BLTP1: variants seen among roughly 807,000 people sequenced by gnomAD.
BLTP1 encodes fragile site-associated protein.
At chr4:122,328,537 A>G in the BLTP1 span, 3 of 514,454 alleles carry the variant, frequency 5.8e-6, no homozygotes, top group East Asian at 4.5e-4. Flanking sequence ...GTTTATTGTG[A>G]TGTAGCTCCA....
the BLTP1 span, among the ~76,000 whole-genome samples, chr4:122,192,678 C>T: frequency 4.6e-5 from 7 of 151,788 alleles, no homozygotes; most frequent in Non-Finnish European, 7.4e-5. Context: ...TAATCAACAA[C>T]GATTTCTTCA....
At chr4:122,253,974 A>G in the BLTP1 span, among the ~76,000 whole-genome samples, 1 of 152,204 alleles carries the variant, frequency 6.6e-6, no homozygotes, top group Non-Finnish European at 1.5e-5. Context: ...GAATCTTTAC[A>G]GGCCAGGAGA....
chr4:122,356,623 G>A, the BLTP1 span: 3 of 1,611,006 alleles, frequency 1.9e-6, no homozygotes, highest in Non-Finnish European at 2.5e-6. Context: ...TATTGCAGAT[G>A]CCAGCCTGAA....
At chr4:122,193,068 C>T in the BLTP1 span, among the ~76,000 whole-genome samples, 1 of 152,054 alleles carries the variant, frequency 6.6e-6, no homozygotes, top group African/African-American at 2.4e-5. Context: ...TGTGGTCTTT[C>T]CCTTGTGTAC....
chr4:122,305,813 G>A, the BLTP1 span: 8 of 1,428,112 alleles, frequency 5.6e-6, no homozygotes, highest in Non-Finnish European at 7.4e-6. Flanking sequence ...CATTAATAAT[G>A]TTTAGTTTCA....
At chr4:122,262,992 T>G in the BLTP1 span, 1 of 1,610,026 alleles carries the variant, frequency 6.2e-7, no homozygotes, top group Non-Finnish European at 8.5e-7. Flanking sequence ...AGGTACGTCC[T>G]CTAGATTTGA....
At chr4:122,227,367 C>T in the BLTP1 span, 2 of 985,256 alleles carry the variant, frequency 2.0e-6, no homozygotes, top group Non-Finnish European at 2.4e-6. Flanking sequence ...GATGGTAATC[C>T]CTAAAACCAT....
At chr4:122,330,846 AG>A in the BLTP1 span, 987 of 219,868 alleles carry the variant, frequency 4.5e-3, 11 homozygotes, top group East Asian at 0.044. Flanking sequence ...TCAGGTGTTA[AG>A]TCTTTAATCC....
chr4:122,344,265 A>G, the BLTP1 span: 1 of 1,163,910 alleles, frequency 8.6e-7, no homozygotes, highest in African/African-American at 1.5e-5. Context: ...TTTTACCTCA[A>G]GTGATTTTAA....
the BLTP1 span, chr4:122,255,344 T>A: frequency 2.5e-6 from 3 of 1,178,786 alleles, no homozygotes; most frequent in South Asian, 1.3e-5. Flanking sequence ...GGACCACTGA[T>A]ACACAGGGTT....
the BLTP1 span, chr4:122,187,490 T>C: frequency 6.2e-7 from 1 of 1,612,186 alleles, no homozygotes; most frequent in Non-Finnish European, 8.5e-7. Context: ...CTTATTCCAG[T>C]CATAAAGGTC....
At chr4:122,270,971 GA>G in the BLTP1 span, 1 of 1,506,810 alleles carries the variant, frequency 6.6e-7, no homozygotes, top group Non-Finnish European at 8.8e-7. Flanking sequence ...TATGTTTCTG[GA>G]AAAATGGAAG....
At chr4:122,302,214 GA>G in the BLTP1 span, 3 of 941,120 alleles carry the variant, frequency 3.2e-6, no homozygotes, top group Non-Finnish European at 3.8e-6. Flanking sequence ...ATATCAAAAT[GA>G]AACATAATGG....
the BLTP1 span, among the ~76,000 whole-genome samples, chr4:122,358,754 C>T: frequency 2.6e-5 from 4 of 152,082 alleles, no homozygotes; most frequent in Non-Finnish European, 4.4e-5. Context: ...AATTATTTCA[C>T]GTCCAGTTTG....
chr4:122,154,602 G>A, the BLTP1 span, among the ~76,000 whole-genome samples: 9 of 152,132 alleles, frequency 5.9e-5, no homozygotes, highest in Non-Finnish European at 8.8e-5. Flanking sequence ...GGCCGGGCGC[G>A]GTGGCTCACG....
chr4:122,153,309 C>G, the BLTP1 span, among the ~76,000 whole-genome samples: 1 of 152,040 alleles, frequency 6.6e-6, no homozygotes. Flanking sequence ...GTGGTTTCTG[C>G]TTTCACCCTG....
At chr4:122,300,081 C>G in the BLTP1 span, among the ~76,000 whole-genome samples, 1 of 152,274 alleles carries the variant, frequency 6.6e-6, no homozygotes, top group Admixed American at 6.5e-5. Flanking sequence ...TCTCGGCTCA[C>G]TGCAACTTCT....
chr4:122,221,488 G>A, the BLTP1 span, among the ~76,000 whole-genome samples: 2 of 151,924 alleles, frequency 1.3e-5, no homozygotes, highest in Non-Finnish European at 2.9e-5. Flanking sequence ...TTTTTTCCAT[G>A]GTTAAGTTAT....
chr4:122,337,260 C>CG, the BLTP1 span: 1 of 469,646 alleles, frequency 2.1e-6, no homozygotes, highest in Non-Finnish European at 3.7e-6. Context: ...AACTGAATAG[C>CG]GTAAGTCAGT....
Sources: gnomAD v4.1 joint callset for allele counts (sites outside exome capture counted in the v4.1 genomes callset) on GRCh38, gnomAD v4.1.1 for gene constraint, MANE v1.5 for transcripts, NCBI Gene and HGNC (gene_info 2026-07-23, HGNC 2026-07-21) for gene names.